The following GSAP variants were observed in gnomAD, a reference collection of about 807,000 sequenced individuals.
GSAP encodes gamma-secretase-activating protein.
In GSAP, 118 loss-of-function variants were observed where a neutral mutation model predicts 131.7. The ratio of observed to expected loss-of-function variants is 0.90; its 90% CI spans 0.77 to 1.04. The LOEUF is 1.04. Among genes scored for constraint, GSAP ranks in the 50% least tolerant of loss-of-function variants. The probability of loss-of-function intolerance (pLI) is 0.00; values close to 1 mark genes in which losing one functional copy is unlikely to be tolerated. For missense variants in GSAP, 1,019 were observed against 1,013.2 expected, an observed-to-expected ratio of 1.01 and a Z score of -0.08; for synonymous variants, 381 against 363.4, an observed-to-expected ratio of 1.05 and a Z score of -0.55.
At chr7:77,376,370 T>C (rs781288548) in intron 10 of GSAP, among the ~76,000 whole-genome samples, 2 of 152,226 alleles carry the variant, frequency 1.3e-5, no homozygotes, top group African/African-American at 2.4e-5. Flanking sequence ...GGATTTGTTA[T>C]AGAGTGGAAA....
chr7:77,377,610 T>C (rs572801076), intron 8 of GSAP, among the ~76,000 whole-genome samples: 3 of 152,332 alleles, frequency 2.0e-5, no homozygotes, highest in Admixed American at 1.3e-4. Flanking sequence ...GTATAATATA[T>C]GATTTTATTC....
chr7:77,401,057 A>G (rs10280898), intron 3 of GSAP, among the ~76,000 whole-genome samples: 18,677 of 151,876 alleles, frequency 0.12, 1,647 homozygotes, highest in East Asian at 0.41. Flanking sequence ...ACAGAAAATC[A>G]AAAAATAAAA....
chr7:77,350,721 C>A (rs906231035), intron 18 of GSAP, among the ~76,000 whole-genome samples: 2 of 152,078 alleles, frequency 1.3e-5, no homozygotes, highest in South Asian at 2.1e-4. Flanking sequence ...CCAGACTGGA[C>A]GACAGAGCAA....
At chr7:77,312,692 C>A (rs539714456) in intron 28 of GSAP, among the ~76,000 whole-genome samples, 45 of 152,296 alleles carry the variant, frequency 3.0e-4, no homozygotes, top group African/African-American at 9.9e-4. Context: ...CTATTCTTGC[C>A]TTTGCTTCAG....
rs1788662662 is a variant in GSAP at position 77,328,656 on chromosome 7, T to C, written c.1734-19A>G. 5 of 1,454,954 alleles carry C rather than the reference T, an allele frequency of 3.4e-6. No homozygotes were observed. The highest frequency in any genetic ancestry group is 3.9e-6 in the Non-Finnish European group (4 of 1,037,764). 90.1% of individuals were successfully genotyped at this position (1,454,954 alleles called of 1,614,324 possible). On this transcript the variant is annotated intron_variant, in intron 21 of 30. Transcript: ENST00000257626. ...AATCACCCTACGAAGAAATTAGCCA[T>C]GTTATTCACAGACAGCATTGCTTTT...
At chr7:77,381,693 G>A (rs1220260554) in intron 7 of GSAP, among the ~76,000 whole-genome samples, 3 of 152,012 alleles carry the variant, frequency 2.0e-5, no homozygotes, top group Non-Finnish European at 4.4e-5. Flanking sequence ...GGGCTAACAA[G>A]GGCTTACTTA....
intron 1 of GSAP, 99 bp from the exon 2 acceptor site, chr7:77,406,204 T>C (rs963371633): frequency 1.8e-5 from 11 of 599,542 alleles, no homozygotes; most frequent in African/African-American, 6.0e-5. Flanking sequence ...TATATACTAA[T>C]AATTCTATTA....
At chr7:77,382,681 T>TA in intron 6 of GSAP, 38 bp from the exon 7 acceptor site, 2 of 1,123,596 alleles carry the variant, frequency 1.8e-6, no homozygotes, top group Non-Finnish European at 2.7e-6. Flanking sequence ...TAAGCAACTA[T>TA]CTTGCTTGAA....
chr7:77,324,549 G>A (rs143486241), intron 23 of GSAP, among the ~76,000 whole-genome samples: 26 of 152,204 alleles, frequency 1.7e-4, no homozygotes, highest in African/African-American at 5.3e-4. Flanking sequence ...ACAATACCCC[G>A]AGTAAAACCA....
chr7:77,362,127 T>C (rs907464732), intron 13 of GSAP, among the ~76,000 whole-genome samples: 1 of 152,222 alleles, frequency 6.6e-6, no homozygotes, highest in East Asian at 1.9e-4. Context: ...GACAACTTTC[T>C]TCAGGAAATA....
intron 28 of GSAP, 70 bp from the exon 29 acceptor site, chr7:77,312,272 T>C: frequency 1.4e-6 from 1 of 713,124 alleles, no homozygotes; most frequent in Non-Finnish European, 2.3e-6. Flanking sequence ...CTTATATCTA[T>C]TCATAATTTT....
chr7:77,370,511 C>T (rs1276190317), intron 12 of GSAP, among the ~76,000 whole-genome samples: 5 of 152,058 alleles, frequency 3.3e-5, no homozygotes, highest in Admixed American at 2.6e-4. Context: ...AAGAACCCAC[C>T]CTGCTCCCTC....
chr7:77,389,772 G>A (rs1290029505), intron 5 of GSAP, among the ~76,000 whole-genome samples: 2 of 152,218 alleles, frequency 1.3e-5, no homozygotes, highest in South Asian at 2.1e-4. Context: ...ATAGCAGCAT[G>A]ATTTATAATC....
intron 5 of GSAP, among the ~76,000 whole-genome samples, chr7:77,389,381 AAAAAAAAAACGCGTCATTT>A (rs1184407087): frequency 6.7e-6 from 1 of 149,006 alleles, no homozygotes; most frequent in Non-Finnish European, 1.5e-5. Context: ...TACAAAAATA[AAAAAAAAAACGCGTCATTT>A]AGCATTAGGT....
At chr7:77,377,422 AGTATGAATAACTTTT>A in intron 8 of GSAP, 32 bp from the exon 9 acceptor site, 3 of 1,163,138 alleles carry the variant, frequency 2.6e-6, no homozygotes, top group East Asian at 2.6e-5. Flanking sequence ...AAAAAAAAAA[AGTATGAATAACTTTT>A]AAAGGAGAAC....
At chr7:77,359,091 G>A (rs1030147184) in intron 14 of GSAP, among the ~76,000 whole-genome samples, 21 of 152,084 alleles carry the variant, frequency 1.4e-4, no homozygotes, top group African/African-American at 5.1e-4. Context: ...GGAGGCTGAG[G>A]CAGAGGTGGA....
chr7:77,357,395 A>G (rs550224078), intron 14 of GSAP, among the ~76,000 whole-genome samples: 1 of 152,270 alleles, frequency 6.6e-6, no homozygotes, highest in Admixed American at 6.5e-5. Flanking sequence ...ACTATCCTGG[A>G]ATATCCAGGT....
intron 24 of GSAP, among the ~76,000 whole-genome samples, chr7:77,322,415 T>C (rs920201080): frequency 1.3e-5 from 2 of 152,116 alleles, no homozygotes; most frequent in African/African-American, 4.8e-5. Context: ...TCTGGGCCTA[T>C]TGGTTCTACA....
At chr7:77,323,561 T>C (rs1012439616) in intron 24 of GSAP, 86 bp downstream of exon 24, 4 of 619,086 alleles carry the variant, frequency 6.5e-6, no homozygotes, top group Admixed American at 3.1e-5. Flanking sequence ...GAAAAACACA[T>C]AAATGGGTTC....
Sources: allele counts gnomAD v4.1 joint callset (sites outside exome capture counted in the v4.1 genomes callset), GRCh38; gene constraint gnomAD v4.1.1; transcripts MANE v1.5; gene names NCBI Gene and HGNC (gene_info 2026-07-23, HGNC 2026-07-21).